Variants in ZNF729 observed in about 807,000 individuals in gnomAD.
The protein encoded by ZNF729 is zinc finger protein 729.
Under a neutral mutation model 12.2 loss-of-function variants are expected in ZNF729, and 15 were observed. That is an observed-to-expected ratio of 1.23 (90% CI 0.82 to 1.89). The LOEUF is 1.89. Ranked by LOEUF, ZNF729 falls within the 40% of genes most tolerant of loss-of-function variation. ZNF729 has a pLI of 0.00. For synonymous variants in ZNF729, 492 were observed against 476.3 expected (o/e 1.03, Z -0.43); for missense variants, 1,540 against 1,456.7 (o/e 1.06, Z -0.93).
At chr19:22,308,902 TAC>T (rs1453962737) in intron 3 of ZNF729, among the ~76,000 whole-genome samples, 1 of 152,140 alleles carries the variant, frequency 6.6e-6, no homozygotes, top group Non-Finnish European at 1.5e-5. Context: ...TTCCACAAGA[TAC>T]AGAGAGAACC....
At chr19:22,301,088 G>A (rs942840915) in intron 1 of ZNF729, among the ~76,000 whole-genome samples, 27 of 152,162 alleles carry the variant, frequency 1.8e-4, no homozygotes, top group Non-Finnish European at 3.2e-4. Context: ...ATTGCCACAA[G>A]TAGCTATATA....
intron 1 of ZNF729, among the ~76,000 whole-genome samples, chr19:22,293,904 A>T (rs1968189301): frequency 6.6e-6 from 1 of 151,994 alleles, no homozygotes; most frequent in Admixed American, 6.6e-5. Context: ...GAAATATTTT[A>T]TTTTATTCTA....
chr19:22,287,985 A>G (rs1599750322), intron 1 of ZNF729, among the ~76,000 whole-genome samples: 1 of 151,644 alleles, frequency 6.6e-6, no homozygotes, highest in Non-Finnish European at 1.5e-5. Context: ...AGCTGGGACT[A>G]CAGGCATGTG....
At chr19:22,307,692 G>A (rs1296539366) in intron 3 of ZNF729, among the ~76,000 whole-genome samples, 3 of 145,004 alleles carry the variant, frequency 2.1e-5, no homozygotes, top group African/African-American at 7.7e-5. Flanking sequence ...GTGGTGAGCC[G>A]AGATCCCACC....
chr19:22,316,114 G>A lies in ZNF729; in HGVS notation c.2697G>A (p.Lys899=). The A allele has an allele frequency of 6.8e-6, 11 of 1,608,868 alleles. No homozygotes were observed. Among genetic ancestry groups the A allele is most frequent in the Non-Finnish European group, 9.3e-6 (11 of 1,178,258 alleles). The part of the protein sequence containing the change: ...FKWLSKLTVH[K]VIHTAEKPCK... ...GGTTGTCAAAACTTACTGTACATAA[G>A]GTAATTCATACTGCAGAGAAACCCT... Residue 899 remains lysine, a synonymous_variant, in exon 4 of 4, where the codon AAG becomes AAA. Coordinates refer to ENST00000601693, the MANE Select transcript of ZNF729 (RefSeq NM_001242680.2).
chr19:22,301,656 A>AT (rs947739854), intron 1 of ZNF729, among the ~76,000 whole-genome samples: 20 of 152,410 alleles, frequency 1.3e-4, no homozygotes, highest in African/African-American at 4.3e-4. Context: ...GCTCTGTGAG[A>AT]TTTTCAGATC....
chr19:22,294,771 C>T (rs1046274475), intron 1 of ZNF729, among the ~76,000 whole-genome samples: 2 of 151,432 alleles, frequency 1.3e-5, no homozygotes, highest in Non-Finnish European at 2.9e-5. Context: ...ATTCTCCTGC[C>T]TCAGCCTCCT....
At chr19:22,298,419 T>G (rs1051332765) in intron 1 of ZNF729, among the ~76,000 whole-genome samples, 37 of 152,200 alleles carry the variant, frequency 2.4e-4, no homozygotes, top group African/African-American at 8.2e-4. Flanking sequence ...ATTTCTAATA[T>G]CCAAATAAAA....
chr19:22,303,785 A>G lies in ZNF729; in HGVS notation c.58A>G (p.Ile20Val), dbSNP rs1324392767. 4 of 1,572,760 alleles carry G rather than the reference A, an allele frequency of 2.5e-6. No individual in the cohort carries two copies. Among genetic ancestry groups the G allele is most frequent in the Non-Finnish European group, 3.5e-6 (4 of 1,154,336 alleles). ...MGPLTFRDVT[I>V]EFSLEEWQCL... Reference sequence around the variant, plus strand: ...ACCATTGACATTTAGAGATGTGACCATAGAATTCTCTCTGGAGGAGTGGCA... The same window carrying G: ...ACCATTGACATTTAGAGATGTGACCGTAGAATTCTCTCTGGAGGAGTGGCA... Residue 20 changes from isoleucine to valine, a missense_variant, in exon 2 of 4, where the codon ATA (isoleucine) becomes GTA (valine). Coordinates refer to ENST00000601693, the MANE Select transcript of ZNF729 (RefSeq NM_001242680.2).
chr19:22,297,646 T>G (rs1037808938), intron 1 of ZNF729, among the ~76,000 whole-genome samples: 6 of 20,644 alleles, frequency 2.9e-4, no homozygotes, highest in Middle Eastern at 0.012. Flanking sequence ...TTGGTGTAGA[T>G]ATATATATAT....
Position 22,315,562 on chromosome 19 carries a change from A to G in ZNF729, c.2145A>G (p.Glu715=), listed in dbSNP as rs1394914030. The G allele has an allele frequency of 4.3e-6, 7 of 1,610,202 alleles. No homozygotes were observed. In the South Asian group the frequency reaches 7.7e-5, roughly 18 times the overall value. ...IHTGEKPYKC[E]ECGKAFKWSS... The stretch of plus-strand genomic sequence containing the variant: ...CTGGAGAGAAACCCTACAAATGTGA[A>G]GAATGTGGTAAAGCTTTTAAGTGGT... Residue 715 remains glutamate (E), a synonymous_variant, in exon 4 of 4, where the codon GAA becomes GAG. Transcript: ENST00000601693.
Position 22,287,603 on chromosome 19 carries a change from G to C in ZNF729, c.30+1048G>C, listed in dbSNP as rs114544018. On this transcript the variant is annotated intron_variant, in intron 1 of 3. Transcript: ENST00000601693. ...TTTAAAAAGTAGATATCAGGGACTA[G>C]AGCCACCTCAGTCTAATTGCCTGCC... is the stretch of plus-strand genomic sequence containing the variant. 7.6e-3 allele frequency among the ~76,000 whole-genome samples: 1,147 copies of C among 151,838 alleles called. 16 individuals are homozygous for C. Among genetic ancestry groups the C allele is most frequent in the African/African-American group, 0.026 (1,089 of 41,396 alleles).
At chr19:22,307,819 T>G (rs1276385653) in intron 3 of ZNF729, among the ~76,000 whole-genome samples, 4 of 148,686 alleles carry the variant, frequency 2.7e-5, no homozygotes, top group South Asian at 4.2e-4. Flanking sequence ...TTTTTTTTTT[T>G]TTTTTGTCTT....
intron 2 of ZNF729, 70 bp downstream of exon 2, chr19:22,303,954 T>G: frequency 1.4e-6 from 2 of 1,446,516 alleles, no homozygotes; most frequent in African/African-American, 2.9e-5. Context: ...CTGTAGAATG[T>G]GTTTTGGTGA....
At chr19:22,310,322 A>T (rs1019233843) in intron 3 of ZNF729, among the ~76,000 whole-genome samples, 6 of 152,056 alleles carry the variant, frequency 3.9e-5, no homozygotes, top group African/African-American at 1.4e-4. Context: ...ATTCAGTATT[A>T]TGTTGGCTCT....
chr19:22,298,691 T>G (rs1968264614), intron 1 of ZNF729, among the ~76,000 whole-genome samples: 1 of 152,112 alleles, frequency 6.6e-6, no homozygotes, highest in Non-Finnish European at 1.5e-5. Context: ...TTTTTGTATT[T>G]TTAGTAGAGA....
At chr19:22,308,986 A>G (rs572243657) in intron 3 of ZNF729, among the ~76,000 whole-genome samples, 5 of 152,330 alleles carry the variant, frequency 3.3e-5, no homozygotes, top group Middle Eastern at 3.4e-3. Context: ...GGCTAAGCCA[A>G]TGTCTGAAAG....
In ZNF729 at chr19:22,290,097, C is replaced by T. The variant is rs1199639490; in HGVS notation, c.30+3542C>T. On this transcript the variant is annotated intron_variant, in intron 1 of 3. Transcript: ENST00000601693. ...TCTGACATGAAAATTAAAGCCTGAG[C>T]CTAGTGACTCTAAGCTAAGGCTAAT... 3.3e-5 allele frequency among the ~76,000 whole-genome samples: 5 copies of T among 152,132 alleles called. No homozygotes were observed. In the East Asian group the frequency reaches 9.6e-4, roughly 29 times the overall value.
At chr19:22,293,138 C>A (rs187539885) in intron 1 of ZNF729, among the ~76,000 whole-genome samples, 2 of 152,196 alleles carry the variant, frequency 1.3e-5, no homozygotes, top group East Asian at 3.9e-4. Flanking sequence ...TGCTTGTTAG[C>A]CACATATATA....
Sources: allele counts gnomAD v4.1 joint callset (sites outside exome capture counted in the v4.1 genomes callset), GRCh38; gene constraint gnomAD v4.1.1; transcripts MANE v1.5; gene names NCBI Gene and HGNC (gene_info 2026-07-23, HGNC 2026-07-21).